The following MYOM3 variants were observed in gnomAD, a reference collection of about 807,000 sequenced individuals.
The protein encoded by MYOM3 is myomesin 3, also known as myomesin-3.
MYOM3 carries 155 observed loss-of-function variants against 191.7 expected under a neutral mutation model. The ratio of observed to expected loss-of-function variants is 0.81; its 90% CI spans 0.71 to 0.92. The LOEUF (loss-of-function observed/expected upper bound fraction) is 0.92. Ranked by LOEUF, MYOM3 falls within the 40% of genes least tolerant of loss-of-function variation. The pLI is 0.00. For missense variants in MYOM3, 1,889 were observed against 1,890.6 expected (o/e 1.00, Z 0.02); for synonymous variants, 757 against 762.9 (o/e 0.99, Z 0.13).
chr1:24,057,242 T>G lies in MYOM3; in HGVS notation c.*122A>C. Reference sequence around the variant, plus strand: ...TCCACCCCCACCCTCACATCCTGGGTTCTATCTTGTCCCCTTTCCTTCTGC... The same window carrying G: ...TCCACCCCCACCCTCACATCCTGGGGTCTATCTTGTCCCCTTTCCTTCTGC... On this transcript the variant is annotated 3_prime_UTR_variant, in exon 37 of 37. Transcript: ENST00000374434. 1.0e-4 allele frequency: 93 copies of G among 933,644 alleles called. No homozygotes were observed. The highest frequency in any genetic ancestry group is 1.3e-4 in the Non-Finnish European group (81 of 631,308). The allele number at this position is 933,644 out of a possible 1,614,324, so 57.8% of individuals were successfully genotyped here. A position where few individuals can be genotyped will look rare whatever the true frequency, so the allele number is the denominator to read the frequency against.
At chr1:24,064,856 T>C (rs1284850323) in intron 29 of MYOM3, among the ~76,000 whole-genome samples, 2 of 152,080 alleles carry the variant, frequency 1.3e-5, no homozygotes, top group African/African-American at 4.8e-5. Flanking sequence ...GCCCCAAAAG[T>C]CCTCTCTTAT....
chr1:24,057,459 C>T lies in MYOM3; in HGVS notation c.4219G>A (p.Val1407Ile), dbSNP rs747513236. 73 of 1,614,096 alleles carry T rather than the reference C, an allele frequency of 4.5e-5. No homozygotes were observed. The highest frequency in any genetic ancestry group is 1.5e-4 in the South Asian group (14 of 91,088). Residue 1407 changes from valine to isoleucine, a missense_variant, in exon 37 of 37, where the codon GTC becomes ATC. Transcript: ENST00000374434. ...VNSEDSGRYGVFVKNKYGSET... is the reference protein window; with the variant it reads ...VNSEDSGRYGIFVKNKYGSET... ...GAGCCATACTTGTTCTTGACGAAGA[C>T]GCCGTAGCGGCCGCTGTCTTCACTG...
Position 24,067,532 on chromosome 1 carries a change from G to C in MYOM3, c.3355+438C>G, listed in dbSNP as rs146113481. Among the ~76,000 whole-genome samples, 180 of 150,670 alleles carry C rather than the reference G, an allele frequency of 1.2e-3. 3 individuals carry two copies. The East Asian group carries it at 0.029, about 24-fold the overall frequency. ...GGCTAGAGTGCAGTGGCGCAATCTC[G>C]GCTCACTGCAAGCTCCGCCTCCTGG... On this transcript the variant is annotated intron_variant, in intron 27 of 36. Coordinates refer to ENST00000374434, the MANE Select transcript of MYOM3 (RefSeq NM_152372.4).
At position 24,063,166 on chromosome 1, in the gene MYOM3, ACTTGAC is replaced by A; in HGVS notation, c.3724_3729del (p.Val1242_Lys1243del). 6.2e-7 allele frequency: 1 copy of A among 1,613,990 alleles called. No homozygotes were observed. The highest frequency in any genetic ancestry group is 1.1e-5 in the South Asian group (1 of 91,082). On this transcript the variant is annotated inframe_deletion, in exon 32 of 37. Coordinates refer to ENST00000374434, the MANE Select transcript of MYOM3 (RefSeq NM_152372.4). The surrounding 1 kb of genome is among the most constrained non-coding windows in gnomAD (Gnocchi z 4.5). ...GTTTTCATGTACTCCACGTTGTAGTACTTGACCTTGCTGAAGATCCGGATCCCTTCC... is the reference window on the plus strand; with the variant it reads ...GTTTTCATGTACTCCACGTTGTAGTACTTGCTGAAGATCCGGATCCCTTCC...
At chr1:24,070,805 G>A (rs996087754) in intron 25 of MYOM3, among the ~76,000 whole-genome samples, 5 of 152,088 alleles carry the variant, frequency 3.3e-5, no homozygotes, top group African/African-American at 9.7e-5. Context: ...AGGCATGAAC[G>A]CAGGTTTTTC....
chr1:24,110,561 T>C (rs1436105220), intron 1 of MYOM3, among the ~76,000 whole-genome samples: 1 of 152,008 alleles, frequency 6.6e-6, no homozygotes, highest in Non-Finnish European at 1.5e-5. Flanking sequence ...TTAGTGGGCT[T>C]TTACCCCTTC....
intron 6 of MYOM3, 82 bp downstream of exon 6, chr1:24,099,598 C>T (rs543964006): frequency 5.4e-6 from 6 of 1,115,076 alleles, no homozygotes; most frequent in East Asian, 4.7e-5. Flanking sequence ...GCCTCAGCTC[C>T]GAGGAAGGGT....
intron 15 of MYOM3, among the ~76,000 whole-genome samples, 199 bp from the exon 16 acceptor site, chr1:24,084,838 T>G (rs1441707700): frequency 6.6e-6 from 1 of 152,160 alleles, no homozygotes; most frequent in African/African-American, 2.4e-5. Flanking sequence ...TCCCCTTACC[T>G]CTGAGCATCT....
intron 28 of MYOM3, 93 bp from the exon 29 acceptor site, chr1:24,066,094 T>A: frequency 1.2e-6 from 1 of 820,420 alleles, no homozygotes; most frequent in East Asian, 2.4e-5. Context: ...CTCAGTGGAG[T>A]CCTTTCACAT....
At chr1:24,072,976 G>A (rs1009214762) in intron 23 of MYOM3, among the ~76,000 whole-genome samples, 2 of 152,298 alleles carry the variant, frequency 1.3e-5, no homozygotes, top group African/African-American at 4.8e-5. Context: ...ATTTTCCCTA[G>A]TAAGCCCCAG....
chr1:24,076,317 T>C (rs1270143093), intron 20 of MYOM3, 44 bp from the exon 21 acceptor site: 1 of 1,454,872 alleles, frequency 6.9e-7, no homozygotes, highest in Non-Finnish European at 9.7e-7. Flanking sequence ...CAGCAGTGAC[T>C]CTTCCTGAAA....
intron 19 of MYOM3, 21 bp from the exon 20 acceptor site, chr1:24,080,215 G>A: frequency 6.3e-7 from 1 of 1,588,044 alleles, no homozygotes; most frequent in South Asian, 1.1e-5. Flanking sequence ...TGAGAGATGG[G>A]AAGAGATGTG....
At chr1:24,109,247 G>A (rs1050932091) in intron 1 of MYOM3, among the ~76,000 whole-genome samples, 35 of 152,210 alleles carry the variant, frequency 2.3e-4, no homozygotes, top group African/African-American at 8.4e-4. Flanking sequence ...CCAGCCCACA[G>A]GGTGTGATCC....
chr1:24,109,869 C>T (rs1644024577), intron 1 of MYOM3, among the ~76,000 whole-genome samples: 3 of 152,330 alleles, frequency 2.0e-5, no homozygotes, highest in South Asian at 4.1e-4. Context: ...CACGGTGGGC[C>T]ACAGGGCCTT....
chr1:24,071,080 G>T, intron 25 of MYOM3, 37 bp downstream of exon 25: 1 of 1,604,014 alleles, frequency 6.2e-7, no homozygotes, highest in South Asian at 1.1e-5. Flanking sequence ...TCCCCGGCAG[G>T]GGAGCCTCAC....
Position 24,057,486 on chromosome 1 carries a change from T to A in MYOM3, c.4192A>T (p.Asn1398Tyr). 1 of 1,614,248 alleles carries A rather than the reference T, an allele frequency of 6.2e-7. No individual in the cohort carries two copies. The highest frequency in any genetic ancestry group is 1.1e-5 in the South Asian group (1 of 91,088). The change falls in exon 37 of 37, where the codon AAC becomes TAC. Residue 1398 changes from asparagine to tyrosine, a missense_variant. Coordinates refer to ENST00000374434, the MANE Select transcript of MYOM3 (RefSeq NM_152372.4). ...CCGTAGCGGCCGCTGTCTTCACTGT[T>A]GACCTTCTCAATGGTGATGGTGACC... ...TEVTITIEKV[N>Y]SEDSGRYGVF...
At chr1:24,075,067 C>G (rs1271299951) in intron 22 of MYOM3, among the ~76,000 whole-genome samples, 1 of 145,016 alleles carries the variant, frequency 6.9e-6, no homozygotes, top group Non-Finnish European at 1.5e-5. Context: ...GAGCAAGACC[C>G]TGTCTCAAAA....
chr1:24,063,558 C>T lies in MYOM3; in HGVS notation c.3623-28G>A, dbSNP rs1643398720. On this transcript the variant is annotated intron_variant, in intron 30 of 36. Coordinates refer to ENST00000374434, the MANE Select transcript of MYOM3 (RefSeq NM_152372.4). This position sits in a 1 kb window ranked among gnomAD's most constrained non-coding sequence, Gnocchi z 4.5. ...GGCGGGAAACAGAGAGAAGGGTTAG[C>T]TGGCATAGGGCTCCCCTAGGGATGT... 4 of 1,613,882 alleles carry T rather than the reference C, an allele frequency of 2.5e-6. No homozygotes were observed. The highest frequency in any genetic ancestry group is 4.5e-5 in the East Asian group (2 of 44,884).
chr1:24,090,901 T>C lies in MYOM3; in HGVS notation c.1328A>G (p.Tyr443Cys). ...PIQGLVEGQS[Y>C]RFRVRAISRV... ...GCTGATGGCTCTCACCCGGAACCGA[T>C]AGCTCTGACCTTCGACGAGGCCTTG... The change falls in exon 12 of 37, where the codon TAT becomes TGT. Residue 443 changes from tyrosine (Y) to cysteine (C), a missense_variant. By Grantham distance (194) the Tyr-to-Cys change is radical. Transcript: ENST00000374434. 1.9e-6 allele frequency: 3 copies of C among 1,614,030 alleles called. No individual in the cohort carries two copies. The highest frequency in any genetic ancestry group is 2.5e-6 in the Non-Finnish European group (3 of 1,179,906).
Sources: allele counts gnomAD v4.1 joint callset (sites outside exome capture counted in the v4.1 genomes callset), GRCh38; gene constraint gnomAD v4.1.1; non-coding constraint Gnocchi (gnomAD v3.1); transcripts MANE v1.5; gene names NCBI Gene and HGNC (gene_info 2026-07-23, HGNC 2026-07-21).